ROBO2: variants seen among roughly 807,000 people sequenced by gnomAD.
ROBO2 encodes the protein roundabout homolog 2.
A neutral mutation model predicts 160.8 loss-of-function variants in ROBO2; 53 were observed. The observed-to-expected ratio is 0.33, with a 90% CI of 0.26 to 0.41. The LOEUF (loss-of-function observed/expected upper bound fraction) is 0.41. ROBO2 is among the 10% of genes least tolerant of loss of function. The probability of loss-of-function intolerance (pLI) is 1.00; values close to 1 mark genes in which losing one functional copy is unlikely to be tolerated. For missense variants in ROBO2, 1,577 were observed against 1,722.4 expected (o/e 0.92, Z 1.49); for synonymous variants, 664 against 611.7 (o/e 1.09, Z -1.26).
At chr3:77,132,291 G>C (rs181772058) in intron 2 of ROBO2, among the ~76,000 whole-genome samples, 169 of 152,162 alleles carry the variant, frequency 1.1e-3, no homozygotes, top group Middle Eastern at 3.4e-3. Context: ...AGAGTACTTG[G>C]ATGTGTTTTG....
chr3:76,328,777 T>G (rs980478463), intron 2 of ROBO2, among the ~76,000 whole-genome samples: 4 of 151,952 alleles, frequency 2.6e-5, no homozygotes, highest in East Asian at 2.0e-4. Context: ...GAGACTGGCG[T>G]GAACCCGGGA....
chr3:77,430,869 C>T (rs1465666539), intron 2 of ROBO2, among the ~76,000 whole-genome samples: 2 of 152,176 alleles, frequency 1.3e-5, no homozygotes, highest in African/African-American at 4.8e-5. Context: ...TTGATGATCT[C>T]AAGATTCTGT....
At chr3:76,031,703 G>C (rs1053520626) in intron 2 of ROBO2, among the ~76,000 whole-genome samples, 1 of 152,052 alleles carries the variant, frequency 6.6e-6, no homozygotes, top group African/African-American at 2.4e-5. Flanking sequence ...TTGCATCCCA[G>C]GGATGAAGCC....
intron 1 of ROBO2, among the ~76,000 whole-genome samples, chr3:75,931,729 T>C (rs1216857359): frequency 2.0e-5 from 3 of 152,062 alleles, no homozygotes; most frequent in Non-Finnish European, 4.4e-5. Context: ...CTGTCTGATG[T>C]TCCCCCCAAC....
intron 1 of ROBO2, among the ~76,000 whole-genome samples, chr3:77,084,144 T>G: frequency 6.6e-6 from 1 of 152,062 alleles, no homozygotes; most frequent in East Asian, 1.9e-4. Flanking sequence ...TTATTTATAA[T>G]GGAAATTCGT....
intron 2 of ROBO2, among the ~76,000 whole-genome samples, chr3:76,171,890 G>GTCTA (rs927177177): frequency 2.6e-5 from 4 of 152,204 alleles, no homozygotes; most frequent in African/African-American, 7.2e-5. Context: ...CAGAAGAGAT[G>GTCTA]TCTAGTGAAG....
intron 2 of ROBO2, among the ~76,000 whole-genome samples, chr3:76,587,526 A>C (rs965654686): frequency 6.6e-6 from 1 of 152,140 alleles, no homozygotes; most frequent in Non-Finnish European, 1.5e-5. Context: ...TGAAGGGGGA[A>C]GTCCCTTATA....
chr3:76,441,391 A>C (rs1559950342), intron 2 of ROBO2, among the ~76,000 whole-genome samples: 1 of 152,210 alleles, frequency 6.6e-6, no homozygotes, highest in Non-Finnish European at 1.5e-5. Context: ...TCTTTAATTC[A>C]AAGCTTGTAT....
intron 2 of ROBO2, among the ~76,000 whole-genome samples, chr3:76,081,996 C>G (rs1490578721): frequency 6.6e-6 from 1 of 152,050 alleles, no homozygotes; most frequent in African/African-American, 2.4e-5. Context: ...TTGTGACTGG[C>G]AAAGATAATT....
rs1044922821 is a variant in ROBO2 at position 76,317,027 on chromosome 3, A to G, written c.109+379425A>G. On this transcript the variant is annotated intron_variant, in intron 2 of 26. Transcript: ENST00000487694. ...TGCTTAAAATTATATTTCATCTTCT[A>G]AAGGATTATGACACTTTACATAGAT... 3.3e-5 allele frequency among the ~76,000 whole-genome samples: 5 copies of G among 152,340 alleles called. No homozygotes were observed. In the South Asian group the frequency reaches 1.0e-3, roughly 32 times the overall value.
chr3:75,990,810 G>T (rs1576402068), intron 2 of ROBO2, among the ~76,000 whole-genome samples: 1 of 152,136 alleles, frequency 6.6e-6, no homozygotes, highest in Non-Finnish European at 1.5e-5. Context: ...TACCCAGGGA[G>T]CTGCTAAGAC....
intron 1 of ROBO2, among the ~76,000 whole-genome samples, chr3:77,052,759 G>A (rs930865821): frequency 1.6e-4 from 25 of 152,096 alleles, no homozygotes; most frequent in East Asian, 1.5e-3. Flanking sequence ...AACTAAGAAC[G>A]TGATGTTAGT....
intron 2 of ROBO2, among the ~76,000 whole-genome samples, chr3:77,010,844 C>A (rs1578230642): frequency 1.6e-5 from 1 of 62,950 alleles, no homozygotes; most frequent in Non-Finnish European, 3.9e-5. Flanking sequence ...CTCCCTCCCT[C>A]CCTCCCTCTC....
chr3:76,257,889 A>G (rs530693488), intron 2 of ROBO2, among the ~76,000 whole-genome samples: 3 of 152,292 alleles, frequency 2.0e-5, no homozygotes, highest in South Asian at 4.1e-4. Context: ...ATGTGTTTGA[A>G]AGAAATTTTT....
At chr3:76,322,918 AAC>A (rs1459622465) in intron 2 of ROBO2, among the ~76,000 whole-genome samples, 1 of 152,176 alleles carries the variant, frequency 6.6e-6, no homozygotes, top group Non-Finnish European at 1.5e-5. Flanking sequence ...GCCAAGAAAT[AAC>A]AGAGACACTG....
rs769754724 is a variant in ROBO2, at chr3:77,588,982, A to C, written c.2683+49A>C. 3.1e-6 allele frequency: 5 copies of C among 1,592,232 alleles called. No homozygotes were observed. The South Asian group carries it at 5.5e-5, about 18-fold the overall frequency. On this transcript the variant is annotated intron_variant, in intron 17 of 25. Transcript: ENST00000461745. ...AAAATCTCTTGTCTGTAGGAATGTA[A>C]TGAAATGAATGGAAGGAACAGAAAG...
At chr3:76,911,550 T>C (rs1577419959) in intron 2 of ROBO2, among the ~76,000 whole-genome samples, 1 of 152,200 alleles carries the variant, frequency 6.6e-6, no homozygotes, top group African/African-American at 2.4e-5. Context: ...AACTTTGATG[T>C]ACCCAATCAT....
chr3:76,423,090 G>C (rs2076061593), intron 2 of ROBO2, among the ~76,000 whole-genome samples: 1 of 152,186 alleles, frequency 6.6e-6, no homozygotes, highest in Non-Finnish European at 1.5e-5. Context: ...AGGCATGATG[G>C]CAAGTGCAGG....
At chr3:77,360,499 T>C (rs2069803746) in intron 2 of ROBO2, among the ~76,000 whole-genome samples, 2 of 152,164 alleles carry the variant, frequency 1.3e-5, no homozygotes. Context: ...AACTGTCACC[T>C]TGGGCTTATA....
Sources: allele counts gnomAD v4.1 joint callset (sites outside exome capture counted in the v4.1 genomes callset), GRCh38; gene constraint gnomAD v4.1.1; transcripts MANE v1.5; gene names NCBI Gene and HGNC (gene_info 2026-07-23, HGNC 2026-07-21).